ARNT: variants seen among roughly 807,000 people sequenced by gnomAD.
The protein encoded by ARNT is aryl hydrocarbon receptor nuclear translocator, also known as class E basic helix-loop-helix protein 2.
ARNT carries 30 observed loss-of-function variants against 105.0 expected under a neutral mutation model. That is an observed-to-expected ratio of 0.29 (90% CI 0.21 to 0.39). The LOEUF (loss-of-function observed/expected upper bound fraction) is 0.39. Among genes scored for constraint, ARNT ranks in the 10% least tolerant of loss-of-function variants. The probability of loss-of-function intolerance (pLI) is 1.00; values close to 1 mark genes in which losing one functional copy is unlikely to be tolerated. For synonymous variants in ARNT, 304 were observed against 344.0 expected, an observed-to-expected ratio of 0.88 and a Z score of 1.29; for missense variants, 748 against 978.7, an observed-to-expected ratio of 0.76 and a Z score of 3.15.
chr1:150,848,779 A>G (rs770349122), intron 3 of ARNT, among the ~76,000 whole-genome samples: 9 of 152,034 alleles, frequency 5.9e-5, no homozygotes, highest in Non-Finnish European at 1.0e-4. Context: ...CGATCCACCC[A>G]CCTCAGCCTC....
At position 150,836,348 on chromosome 1, in the gene ARNT, T is replaced by C; in HGVS notation, c.632A>G (p.Asp211Gly). 1 of 1,614,124 alleles carries C rather than the reference T, an allele frequency of 6.2e-7. No homozygotes were observed. The highest frequency in any genetic ancestry group is 8.5e-7 in the Non-Finnish European group (1 of 1,180,020). ...QSEWFGSTLYDQVHPDDVDKL... is the reference protein window; with the variant it reads ...QSEWFGSTLYGQVHPDDVDKL... ...ATCCACATCATCTGGGTGCACCTGA[T>C]CATAGAGTGTGCTGCCAAACCATTC... is the stretch of plus-strand genomic sequence containing the variant. Residue 211 changes from aspartate (D) to glycine (G), a missense_variant, in exon 7 of 22, where the codon GAT becomes GGT. Around this residue, in one of 4 missense-constraint regions of ARNT, gnomAD observed 291 missense variants for 444.6 expected, o/e 0.65. Transcript: ENST00000358595.
In ARNT at chr1:150,876,533, G is replaced by A. The variant is rs1411618702; in HGVS notation, c.25+10C>T. 19 of 1,550,598 alleles carry A rather than the reference G, an allele frequency of 1.2e-5. No homozygotes were observed. The highest frequency in any genetic ancestry group is 4.1e-5 in the African/African-American group (3 of 73,112). Reference sequence around the variant, plus strand: ...CCCTTTAGAGGCGCCCCAGTCCTCCGTCTCCTCACCGGGGTTGGCAGTAGT... The same window carrying A: ...CCCTTTAGAGGCGCCCCAGTCCTCCATCTCCTCACCGGGGTTGGCAGTAGT... On this transcript the variant is annotated intron_variant, in intron 1 of 21. Transcript: ENST00000358595.
chr1:150,859,666 T>C (rs1359476486), intron 1 of ARNT, among the ~76,000 whole-genome samples: 7 of 152,048 alleles, frequency 4.6e-5, no homozygotes, highest in Admixed American at 4.6e-4. Flanking sequence ...CCTGAGTATA[T>C]TTTCTCTTAT....
chr1:150,834,717 G>A (rs1471636373), intron 7 of ARNT, 77 bp from the exon 8 acceptor site: 1 of 1,244,740 alleles, frequency 8.0e-7, no homozygotes, highest in Non-Finnish European at 1.2e-6. Flanking sequence ...TGAAGGCAAA[G>A]ATAAGTAAGC....
chr1:150,826,450 G>A (rs766699732), intron 13 of ARNT, 93 bp downstream of exon 13: 2 of 991,978 alleles, frequency 2.0e-6, no homozygotes, highest in Non-Finnish European at 3.1e-6. Context: ...TAAAACTGTA[G>A]TGCCTGCCAC....
Position 150,810,763 on chromosome 1 carries a change from A to AG in ARNT, c.*1257dup, listed in dbSNP as rs10305752. The AG allele has an allele frequency of 0.022, 4,791 of 222,380 alleles. 77 individuals are homozygous for AG. Among genetic ancestry groups the AG allele is most frequent in the Middle Eastern group, 0.03 (22 of 722 alleles). 13.8% of individuals were successfully genotyped at this position (222,380 alleles called of 1,614,324 possible). A position where few individuals can be genotyped will look rare whatever the true frequency, so the allele number is the denominator to read the frequency against. ...AGTGACCCTGTTGAGATGGGTGTCC[A>AG]GGCCCCATCTATCATACGGAATTAT... is the stretch of plus-strand genomic sequence containing the variant. On this transcript the variant is annotated 3_prime_UTR_variant, in exon 22 of 22. Transcript: ENST00000358595.
At chr1:150,818,066 A>T in intron 14 of ARNT, 36 bp from the exon 15 acceptor site, 1 of 1,387,544 alleles carries the variant, frequency 7.2e-7, no homozygotes, top group Admixed American at 1.9e-5. Flanking sequence ...GAGGGGGTGG[A>T]GAGGGAGGAA....
chr1:150,836,496 G>A lies in ARNT; in HGVS notation c.487-3C>T. ...TCCAAGATCAAATGTTTCAGTTCCTGCGCAAGAAAAAGAAATAGAAGTTAA... is the reference window on the plus strand; with the variant it reads ...TCCAAGATCAAATGTTTCAGTTCCTACGCAAGAAAAAGAAATAGAAGTTAA... On this transcript the variant is annotated splice_polypyrimidine_tract_variant and splice_region_variant and intron_variant, in intron 6 of 21. Coordinates refer to ENST00000358595, the MANE Select transcript of ARNT (RefSeq NM_001668.4). 3 of 1,612,516 alleles carry A rather than the reference G, an allele frequency of 1.9e-6. No individual in the cohort carries two copies. The highest frequency in any genetic ancestry group is 2.5e-6 in the Non-Finnish European group (3 of 1,179,354).
intron 5 of ARNT, among the ~76,000 whole-genome samples, chr1:150,840,945 C>CTTTT (rs777444553): frequency 0.01 from 1,039 of 103,646 alleles, 7 homozygotes; most frequent in Non-Finnish European, 0.013. Flanking sequence ...CTCTCTTCTT[C>CTTTT]TTTTTTTTTT....
chr1:150,813,644 T>A (rs1655208897), intron 20 of ARNT, among the ~76,000 whole-genome samples: 1 of 152,078 alleles, frequency 6.6e-6, no homozygotes, highest in Non-Finnish European at 1.5e-5. Context: ...GTTTTTTTTT[T>A]TTATTTTTTA....
chr1:150,826,461 A>G, intron 13 of ARNT, 82 bp downstream of exon 13: 1 of 1,115,660 alleles, frequency 9.0e-7, no homozygotes, highest in Non-Finnish European at 1.3e-6. Flanking sequence ...TGCCTGCCAC[A>G]GTGTTCAGTT....
intron 12 of ARNT, among the ~76,000 whole-genome samples, chr1:150,827,035 T>C (rs756826614): frequency 3.0e-4 from 45 of 151,486 alleles, no homozygotes; most frequent in Non-Finnish European, 6.2e-4. Flanking sequence ...CCTAAGATTA[T>C]AGTTAAGTGA....
rs760199545 is a variant in ARNT, at chr1:150,817,351, C to G, written c.1578+10G>C. The G allele has an allele frequency of 3.7e-6, 6 of 1,613,898 alleles. No homozygotes were observed. The African/African-American group carries it at 8.0e-5, about 22-fold the overall frequency. The stretch of plus-strand genomic sequence containing the variant: ...TCCCTACCCTCTTCAACGAAGAGGA[C>G]ACAACTCACCTGGGAATGATTGTAG... On this transcript the variant is annotated intron_variant, in intron 16 of 21. Coordinates refer to ENST00000358595, the MANE Select transcript of ARNT (RefSeq NM_001668.4).
At position 150,811,961 on chromosome 1, in the gene ARNT, G is replaced by C. The variant is rs1654810705; in HGVS notation, c.*60C>G. On this transcript the variant is annotated 3_prime_UTR_variant, in exon 22 of 22. Coordinates refer to ENST00000358595, the MANE Select transcript of ARNT (RefSeq NM_001668.4). ...TTTTATTCTGTTTACAGAAAGATTT[G>C]CTTTTTAAAAACAAACAGTGATTTT... is the stretch of plus-strand genomic sequence containing the variant. 1.6e-6 allele frequency: 2 copies of C among 1,285,818 alleles called. No individual in the cohort carries two copies. Among genetic ancestry groups the C allele is most frequent in the African/African-American group, 3.1e-5 (2 of 65,294 alleles). 79.7% of individuals were successfully genotyped at this position (1,285,818 alleles called of 1,614,324 possible). A position where few individuals can be genotyped will look rare whatever the true frequency, so the allele number is the denominator to read the frequency against.
intron 3 of ARNT, among the ~76,000 whole-genome samples, chr1:150,851,210 G>A (rs936686606): frequency 2.1e-5 from 3 of 140,652 alleles, no homozygotes; most frequent in Non-Finnish European, 3.1e-5. Flanking sequence ...GCCAGCCCCC[G>A]CCCGGCCAGC....
At chr1:150,814,314 C>T (rs1279816411) in intron 19 of ARNT, 75 bp from the exon 20 acceptor site, 1 of 1,417,560 alleles carries the variant, frequency 7.1e-7, no homozygotes, top group Non-Finnish European at 9.8e-7. Context: ...CTATGAGAGT[C>T]AACACTGTCA....
intron 2 of ARNT, among the ~76,000 whole-genome samples, chr1:150,857,341 A>G (rs1338749011): frequency 6.6e-6 from 1 of 152,244 alleles, no homozygotes; most frequent in Non-Finnish European, 1.5e-5. Context: ...GTGTTTAAAG[A>G]GTAAGCTACA....
At chr1:150,834,811 C>G (rs1660003718) in intron 7 of ARNT, 171 bp from the exon 8 acceptor site, 1 of 512,454 alleles carries the variant, frequency 2.0e-6, no homozygotes, top group Admixed American at 3.1e-5. Flanking sequence ...TAAAATACTT[C>G]AATTATCATC....
In ARNT at chr1:150,811,815, G is replaced by T; in HGVS notation, c.*206C>A. Reference sequence around the variant, plus strand: ...CTCAAATTTTCAGACAGTCCTAAAAGCCTTGGAGATTCATTCCATTTCTTC... The same window carrying T: ...CTCAAATTTTCAGACAGTCCTAAAATCCTTGGAGATTCATTCCATTTCTTC... On this transcript the variant is annotated 3_prime_UTR_variant, in exon 22 of 22. Transcript: ENST00000358595. 1 of 379,136 alleles carries T rather than the reference G, an allele frequency of 2.6e-6. No individual in the cohort carries two copies. Among genetic ancestry groups the T allele is most frequent in the East Asian group, 3.8e-5 (1 of 26,188 alleles). The allele number at this position is 379,136 out of a possible 1,614,324, so 23.5% of individuals were successfully genotyped here.
Sources: gnomAD v4.1 joint callset for allele counts (sites outside exome capture counted in the v4.1 genomes callset) on GRCh38, gnomAD v4.1.1 for gene constraint, gnomAD v4.1.1 regional missense constraint, MANE v1.5 for transcripts, NCBI Gene and HGNC (gene_info 2026-07-23, HGNC 2026-07-21) for gene names.